The following SMOC2 variants were observed in gnomAD, a reference collection of about 807,000 sequenced individuals.
SMOC2 encodes SPARC related modular calcium binding 2, also known as SPARC-related modular calcium-binding protein 2.
Under a neutral mutation model 61.4 loss-of-function variants are expected in SMOC2, and 39 were observed. The observed-to-expected ratio is 0.64, with a 90% CI of 0.49 to 0.83. The LOEUF is 0.83. Among genes scored for constraint, SMOC2 ranks in the 40% least tolerant of loss-of-function variants. The pLI, the probability that SMOC2 is intolerant of heterozygous loss-of-function variation, is 0.00. For missense variants in SMOC2, 556 were observed against 592.9 expected (o/e 0.94, Z 0.65); for synonymous variants, 247 against 239.9 (o/e 1.03, Z -0.27).
rs1236453591 is a variant in SMOC2 at position 168,491,840 on chromosome 6, A to G, written c.85-18075A>G. On this transcript the variant is annotated intron_variant, in intron 1 of 12. Coordinates refer to ENST00000356284, the MANE Select transcript of SMOC2 (RefSeq NM_001166412.2). ...CTTAACTGCAGAAATGATAAACCCC[A>G]TGGAGAGTGAACTGTGCTGTTCATC... Among the ~76,000 whole-genome samples, 3 of 152,200 alleles carry G rather than the reference A, an allele frequency of 2.0e-5. No homozygotes were observed. In the South Asian group the frequency reaches 6.2e-4, roughly 32 times the overall value.
intron 8 of SMOC2, among the ~76,000 whole-genome samples, chr6:168,599,628 A>ACT (rs1785474411): frequency 4.6e-5 from 1 of 21,620 alleles, no homozygotes; most frequent in Non-Finnish European, 9.6e-5. Flanking sequence ...CTCATACCAC[A>ACT]CACACCCACA....
chr6:168,492,075 A>G (rs887673060), intron 1 of SMOC2, among the ~76,000 whole-genome samples: 1 of 152,230 alleles, frequency 6.6e-6, no homozygotes, highest in Non-Finnish European at 1.5e-5. Flanking sequence ...AATGCACTTA[A>G]TTAAACAAAA....
chr6:168,513,297 G>A (rs1457104599), intron 2 of SMOC2, among the ~76,000 whole-genome samples: 6 of 151,696 alleles, frequency 4.0e-5, no homozygotes, highest in Non-Finnish European at 5.9e-5. Flanking sequence ...TGAATCTAAC[G>A]TACCTGAAGT....
intron 2 of SMOC2, among the ~76,000 whole-genome samples, chr6:168,520,693 A>G (rs1382545220): frequency 2.0e-5 from 3 of 152,256 alleles, no homozygotes; most frequent in Admixed American, 1.3e-4. Context: ...GCTGAGTGGC[A>G]TCAAAGTCTT....
Position 168,488,655 on chromosome 6 carries a change from C to G in SMOC2, c.85-21260C>G, listed in dbSNP as rs371444032. 2.9e-4 allele frequency among the ~76,000 whole-genome samples: 44 copies of G among 152,226 alleles called. No individual in the cohort carries two copies. The East Asian group carries it at 8.1e-3, about 28-fold the overall frequency. ...ATCGTCTGGGTCCCCTTGGATCACA[C>G]TGTTTTAGAGTGGAATATATTGAGT... On this transcript the variant is annotated intron_variant, in intron 1 of 12. Coordinates refer to ENST00000356284, the MANE Select transcript of SMOC2 (RefSeq NM_001166412.2).
chr6:168,517,460 C>G (rs1378938817), intron 2 of SMOC2, among the ~76,000 whole-genome samples: 1 of 152,240 alleles, frequency 6.6e-6, no homozygotes, highest in African/African-American at 2.4e-5. Flanking sequence ...CGAGGTGCAG[C>G]TCCTTCCACT....
At chr6:168,491,366 G>A (rs772505182) in intron 1 of SMOC2, among the ~76,000 whole-genome samples, 26 of 152,174 alleles carry the variant, frequency 1.7e-4, no homozygotes, top group African/African-American at 4.8e-4. Context: ...CATAACATCC[G>A]AATCATGGGA....
chr6:168,666,028 A>C (rs889567730), intron 12 of SMOC2, among the ~76,000 whole-genome samples: 2 of 152,172 alleles, frequency 1.3e-5, no homozygotes, highest in African/African-American at 4.8e-5. Context: ...AAACTAGTGA[A>C]CAAAAAAGAT....
At chr6:168,481,958 A>T (rs558391928) in intron 1 of SMOC2, among the ~76,000 whole-genome samples, 1 of 151,986 alleles carries the variant, frequency 6.6e-6, no homozygotes, top group South Asian at 2.1e-4. Flanking sequence ...TAAGAAAAAA[A>T]CCTAACTTTA....
intron 9 of SMOC2, among the ~76,000 whole-genome samples, chr6:168,617,991 G>A (rs974870296): frequency 3.3e-5 from 5 of 152,168 alleles, no homozygotes; most frequent in African/African-American, 1.2e-4. Flanking sequence ...AGGTTTATGG[G>A]GTCTGCCAGG....
rs1242632717 is a variant in SMOC2, at chr6:168,475,411, C to T, written c.84+33957C>T. Among the ~76,000 whole-genome samples the T allele has an allele frequency of 1.3e-5, 2 of 152,108 alleles. No homozygotes were observed. The highest frequency in any genetic ancestry group is 2.9e-5 in the Non-Finnish European group (2 of 67,998). On this transcript the variant is annotated intron_variant, in intron 1 of 12. Transcript: ENST00000356284. The surrounding 1 kb of genome is among the most constrained non-coding windows in gnomAD (Gnocchi z 4.6). The stretch of plus-strand genomic sequence containing the variant: ...CAGGCACAGGTGGAAACACGTGGTG[C>T]GTACAACCTTGCTCAATCCCTCCCC...
Position 168,510,035 on chromosome 6 carries a change from G to A in SMOC2, c.205G>A (p.Ala69Thr). The change falls in exon 2 of 13, where the codon GCC (alanine) becomes ACC (threonine). Residue 69 changes from alanine (A) to threonine (T), a missense_variant. Ala to Thr is a moderately conservative substitution (Grantham distance 58). Transcript: ENST00000356284. ...TFLSRCEFQRAKCKDPQLEIA... is the reference protein window; with the variant it reads ...TFLSRCEFQRTKCKDPQLEIA... ...CCTTTCCCGTTGTGAATTTCAACGTGCCAAGTGCAAAGATCCCCAGCTAGA... is the reference window on the plus strand; with the variant it reads ...CCTTTCCCGTTGTGAATTTCAACGTACCAAGTGCAAAGATCCCCAGCTAGA... The A allele has an allele frequency of 1.2e-6, 2 of 1,614,210 alleles. No individual in the cohort carries two copies. Among genetic ancestry groups the A allele is most frequent in the Non-Finnish European group, 1.7e-6 (2 of 1,180,044 alleles).
chr6:168,573,655 G>A (rs1211018473), intron 7 of SMOC2, among the ~76,000 whole-genome samples: 1 of 152,104 alleles, frequency 6.6e-6, no homozygotes, highest in African/African-American at 2.4e-5. Flanking sequence ...ATCTTCCTGG[G>A]AACTCCGTGG....
intron 7 of SMOC2, among the ~76,000 whole-genome samples, chr6:168,579,797 G>C (rs1784883145): frequency 1.3e-5 from 2 of 152,220 alleles, no homozygotes; most frequent in South Asian, 4.2e-4. Context: ...AGGGGAGGGA[G>C]GGAATTAAGG....
chr6:168,550,282 T>C (rs1177985325), intron 7 of SMOC2, among the ~76,000 whole-genome samples: 1 of 152,252 alleles, frequency 6.6e-6, no homozygotes, highest in Non-Finnish European at 1.5e-5. Context: ...TCACAGAGGC[T>C]GCTTATGCAT....
intron 1 of SMOC2, among the ~76,000 whole-genome samples, chr6:168,455,516 T>C (rs1473401982): frequency 2.0e-5 from 3 of 152,230 alleles, no homozygotes; most frequent in Non-Finnish European, 2.9e-5. Context: ...CATTCTCTCC[T>C]ACTTAAAAAT....
intron 7 of SMOC2, among the ~76,000 whole-genome samples, chr6:168,579,523 A>C (rs960867911): frequency 1.3e-5 from 2 of 152,356 alleles, no homozygotes; most frequent in South Asian, 2.1e-4. Flanking sequence ...AAATAGATTC[A>C]GTGTCCAAAT....
chr6:168,604,610 A>G (rs762275939), intron 8 of SMOC2, among the ~76,000 whole-genome samples: 14 of 152,330 alleles, frequency 9.2e-5, no homozygotes, highest in Middle Eastern at 3.4e-3. Context: ...TGGGTTGGCA[A>G]TTAAGATGTT....
intron 9 of SMOC2, among the ~76,000 whole-genome samples, chr6:168,636,157 C>T (rs1583176986): frequency 1.3e-5 from 2 of 152,300 alleles, no homozygotes; most frequent in Admixed American, 1.3e-4. Flanking sequence ...TGAAAGTTTT[C>T]AACCCAGTAT....
Sources: gnomAD v4.1 joint callset for allele counts (sites outside exome capture counted in the v4.1 genomes callset) on GRCh38, gnomAD v4.1.1 for gene constraint, Gnocchi (gnomAD v3.1) non-coding constraint, MANE v1.5 for transcripts, NCBI Gene and HGNC (gene_info 2026-07-23, HGNC 2026-07-21) for gene names.